Variants in TBL1X observed in about 807,000 individuals in gnomAD.
TBL1X encodes transducin beta like 1 X-linked, also known as F-box-like/WD repeat-containing protein TBL1X.
TBL1X carries 10 observed loss-of-function variants against 50.7 expected under a neutral mutation model. That is an observed-to-expected ratio of 0.20 (90% CI 0.12 to 0.33). The LOEUF is 0.33. Ranked by LOEUF, TBL1X falls within the 10% of genes least tolerant of loss-of-function variation. The pLI is 1.00. For missense variants in TBL1X, 340 were observed against 504.4 expected (o/e 0.67, Z 3.12); for synonymous variants, 190 against 214.7 (o/e 0.88, Z 1.01).
intron 2 of TBL1X, among the ~76,000 whole-genome samples, chrX:9,507,635 A>G (rs2082032839): frequency 8.9e-6 from 1 of 112,188 alleles, no homozygotes; most frequent in Admixed American, 9.4e-5. Context: ...CGTAGCCAAG[A>G]CAATCCTAAG....
intron 1 of TBL1X, among the ~76,000 whole-genome samples, chrX:9,484,317 T>TACACACAC (rs746013426): frequency 0.037 from 4,016 of 108,766 alleles, 211 homozygotes; most frequent in African/African-American, 0.13. Flanking sequence ...CGTTTTTTCA[T>TACACACAC]ACACACACAC....
intron 2 of TBL1X, among the ~76,000 whole-genome samples, chrX:9,552,588 T>G (rs2146992005): frequency 8.9e-6 from 1 of 111,852 alleles, no homozygotes; most frequent in South Asian, 3.8e-4. Context: ...AATGTGTGAA[T>G]CTGCCAAAAG....
chrX:9,626,999 G>A (rs952452171), intron 2 of TBL1X, among the ~76,000 whole-genome samples: 1 of 112,276 alleles, frequency 8.9e-6, no homozygotes, highest in Non-Finnish European at 1.9e-5. Flanking sequence ...TATTTAACTA[G>A]GATTCTGTAG....
intron 2 of TBL1X, among the ~76,000 whole-genome samples, chrX:9,510,932 GTCCA>G (rs958598599): frequency 2.7e-5 from 3 of 111,238 alleles, no homozygotes; most frequent in African/African-American, 9.8e-5. Context: ...CCATCTGTCC[GTCCA>G]TCCATCCATC....
At chrX:9,683,283 C>T (rs1174878082) in intron 5 of TBL1X, among the ~76,000 whole-genome samples, 4 of 111,799 alleles carry the variant, frequency 3.6e-5, no homozygotes, top group Non-Finnish European at 7.5e-5. Flanking sequence ...TGTATTCGGT[C>T]CTGACCCCCT....
chrX:9,586,214 A>G (rs1314098837), intron 2 of TBL1X, among the ~76,000 whole-genome samples: 2 of 112,526 alleles, frequency 1.8e-5, no homozygotes, highest in East Asian at 2.8e-4. Flanking sequence ...AGCGTTATTT[A>G]TATTAACCAA....
Position 9,478,204 on chromosome X carries a change from TAAG to T in TBL1X, c.-201+12758_-201+12760del, listed in dbSNP as rs1263090434. ...TTGCGTGTTAACAGTGGGAAATAGT[TAAG>T]GAGGTGGGAAAAGAGCTACCTGTAG... On this transcript the variant is annotated intron_variant, in intron 1 of 17. Coordinates refer to ENST00000645353, the MANE Select transcript of TBL1X (RefSeq NM_005647.4). Among the ~76,000 whole-genome samples the T allele has an allele frequency of 3.6e-5, 4 of 111,209 alleles. No homozygotes were observed. In the East Asian group the frequency reaches 1.1e-3, roughly 32 times the overall value.
chrX:9,555,799 T>C (rs2082294438), intron 2 of TBL1X, among the ~76,000 whole-genome samples: 1 of 111,997 alleles, frequency 8.9e-6, no homozygotes, highest in African/African-American at 3.3e-5. Flanking sequence ...TGAACTGCTT[T>C]AGGAAACCTG....
At chrX:9,502,024 T>C (rs892999574) in intron 2 of TBL1X, among the ~76,000 whole-genome samples, 175 bp downstream of exon 2, 27 of 112,440 alleles carry the variant, frequency 2.4e-4, no homozygotes, top group African/African-American at 8.1e-4. Context: ...ATGCGCCACA[T>C]GTGGCTGTGG....
intron 6 of TBL1X, among the ~76,000 whole-genome samples, chrX:9,686,529 C>G (rs1336328235): frequency 8.9e-6 from 1 of 112,010 alleles, no homozygotes; most frequent in Admixed American, 9.5e-5. Flanking sequence ...GAGACCCTAT[C>G]TCTACATAAA....
At chrX:9,702,958 C>T (rs1292634140) in intron 12 of TBL1X, among the ~76,000 whole-genome samples, 5 of 111,396 alleles carry the variant, frequency 4.5e-5, no homozygotes, top group African/African-American at 1.3e-4. Context: ...TGGTCAGATG[C>T]GGACGACTAG....
At chrX:9,669,481 T>A (rs2082948599) in intron 5 of TBL1X, among the ~76,000 whole-genome samples, 1 of 112,055 alleles carries the variant, frequency 8.9e-6, no homozygotes, top group Non-Finnish European at 1.9e-5. Context: ...CCGCCCCATG[T>A]CTGATTGGTT....
In TBL1X at chrX:9,714,988, C is replaced by T; in HGVS notation, c.1692C>T (p.Ser564=). Residue 564 remains serine (S), a synonymous_variant, in exon 17 of 18, where the codon AGC becomes AGT. Coordinates refer to ENST00000645353, the MANE Select transcript of TBL1X (RefSeq NM_005647.4). Reference sequence around the variant, plus strand: ...CCCGAGGAGACAAAGTGGGTGCCAGCGCGTCCGACGGCTCTGTAAGCAACA... The same window carrying T: ...CCCGAGGAGACAAAGTGGGTGCCAGTGCGTCCGACGGCTCTGTAAGCAACA... ...WNARGDKVGA[S]ASDGSVCVLD... The T allele has an allele frequency of 4.1e-6, 5 of 1,209,961 alleles. No individual in the cohort carries two copies. The highest frequency in any genetic ancestry group is 1.8e-5 in the South Asian group (1 of 56,549).
chrX:9,564,731 CA>C (rs1325314175), intron 2 of TBL1X, among the ~76,000 whole-genome samples: 86 of 76,644 alleles, frequency 1.1e-3, no homozygotes, highest in Admixed American at 2.0e-3. Flanking sequence ...GACTCTGTCT[CA>C]AAAAAAAAAA....
At chrX:9,688,300 C>T (rs764052363) in intron 7 of TBL1X, 25 bp downstream of exon 7, 12 of 1,102,070 alleles carry the variant, frequency 1.1e-5, no homozygotes, top group South Asian at 4.5e-5. Flanking sequence ...TCTGGGAGTT[C>T]GGTGGGCCTC....
intron 2 of TBL1X, among the ~76,000 whole-genome samples, chrX:9,536,986 A>G (rs923048984): frequency 1.8e-5 from 2 of 111,827 alleles, no homozygotes; most frequent in African/African-American, 3.3e-5. Context: ...TAAGTTACCA[A>G]TCCTTCTTTT....
intron 1 of TBL1X, among the ~76,000 whole-genome samples, chrX:9,467,886 G>C (rs2081786873): frequency 8.9e-6 from 1 of 112,159 alleles, no homozygotes; most frequent in Admixed American, 9.4e-5. Flanking sequence ...AGACGTTTCA[G>C]ATCTCCAGGG....
At chrX:9,561,499 C>T (rs1403937416) in intron 2 of TBL1X, among the ~76,000 whole-genome samples, 1 of 111,600 alleles carries the variant, frequency 9.0e-6, no homozygotes, top group Non-Finnish European at 1.9e-5. Context: ...TCTGTACGTT[C>T]TGATTTCTTC....
At chrX:9,478,696 C>T (rs1229112419) in intron 1 of TBL1X, among the ~76,000 whole-genome samples, 2 of 112,300 alleles carry the variant, frequency 1.8e-5, no homozygotes, top group African/African-American at 6.5e-5. Context: ...CGCAGATTCC[C>T]AGTTACTCCC....
Sources: allele counts gnomAD v4.1 joint callset (sites outside exome capture counted in the v4.1 genomes callset), GRCh38; gene constraint gnomAD v4.1.1; transcripts MANE v1.5; gene names NCBI Gene and HGNC (gene_info 2026-07-23, HGNC 2026-07-21).